Variants in FHIT observed in about 807,000 individuals in gnomAD.
FHIT encodes the protein fragile histidine triad diadenosine triphosphatase, also known as bis(5'-adenosyl)-triphosphatase.
A neutral mutation model predicts 17.9 loss-of-function variants in FHIT; 19 were observed. That is an observed-to-expected ratio of 1.06 (90% CI 0.74 to 1.56). The LOEUF (loss-of-function observed/expected upper bound fraction) is 1.56. Ranked by LOEUF, FHIT falls within the 40% of genes most tolerant of loss-of-function variation. The probability of loss-of-function intolerance (pLI) is 0.00; values close to 1 mark genes in which losing one functional copy is unlikely to be tolerated. For synonymous variants in FHIT, 81 were observed against 69.7 expected, an observed-to-expected ratio of 1.16 and a Z score of -0.81; for missense variants, 248 against 189.2, an observed-to-expected ratio of 1.31 and a Z score of -1.82.
chr3:60,436,744 A>T (rs1375285598), intron 5 of FHIT, among the ~76,000 whole-genome samples: 1 of 152,134 alleles, frequency 6.6e-6, no homozygotes, highest in Non-Finnish European at 1.5e-5. Context: ...ATCTTCACAG[A>T]TCTGAGCCAA....
intron 4 of FHIT, among the ~76,000 whole-genome samples, chr3:60,720,348 C>T (rs1218178048): frequency 6.6e-6 from 1 of 152,158 alleles, no homozygotes; most frequent in Admixed American, 6.5e-5. Context: ...CACTGCCTGA[C>T]CTGTTGCCTG....
rs78860817 is a variant in FHIT at position 60,362,387 on chromosome 3, C to T, written c.103+174473G>A. On this transcript the variant is annotated intron_variant, in intron 5 of 9. Transcript: ENST00000492590. ...TATCAAACATGAAGGCTTTTCTGTT[C>T]GGATTTTTTTTTGGAGAGGGTTAAC... Among the ~76,000 whole-genome samples, 143 of 152,128 alleles carry T rather than the reference C, an allele frequency of 9.4e-4. No individual in the cohort carries two copies. In the East Asian group the frequency reaches 0.025, roughly 27 times the overall value.
chr3:59,759,105 G>A (rs941723372), intron 8 of FHIT, among the ~76,000 whole-genome samples: 2 of 151,928 alleles, frequency 1.3e-5, no homozygotes, highest in Admixed American at 6.6e-5. Flanking sequence ...TTTAAGTAAA[G>A]GGGCAGGAAG....
chr3:60,140,575 A>ATT (rs10540921), intron 5 of FHIT, among the ~76,000 whole-genome samples: 4 of 129,008 alleles, frequency 3.1e-5, no homozygotes, highest in South Asian at 2.6e-4. Context: ...CACAGACTCT[A>ATT]TTTTTTTTTT....
At chr3:61,170,775 G>C (rs1292610812) in intron 2 of FHIT, among the ~76,000 whole-genome samples, 1 of 152,092 alleles carries the variant, frequency 6.6e-6, no homozygotes, top group Non-Finnish European at 1.5e-5. Flanking sequence ...GTCTATCATT[G>C]ATAGGCATTT....
chr3:60,428,215 A>G (rs972108967), intron 5 of FHIT, among the ~76,000 whole-genome samples: 2 of 152,172 alleles, frequency 1.3e-5, no homozygotes, highest in African/African-American at 4.8e-5. Context: ...TGACCTAATC[A>G]TATTTTTAAT....
At chr3:60,173,918 T>TATATATATATATATATATATATATA (rs375142735) in intron 5 of FHIT, among the ~76,000 whole-genome samples, 3 of 46,860 alleles carry the variant, frequency 6.4e-5, no homozygotes, top group Admixed American at 5.9e-4. Flanking sequence ...TATATATATG[T>TATATATATATATATATATATATATA]TTTTTTTTTT....
intron 4 of FHIT, among the ~76,000 whole-genome samples, chr3:60,779,001 T>G (rs914127615): frequency 6.6e-6 from 1 of 152,162 alleles, no homozygotes; most frequent in Non-Finnish European, 1.5e-5. Context: ...AACTCACAGG[T>G]ATTTGAGGAT....
chr3:60,433,489 A>C (rs1021034890), intron 5 of FHIT, among the ~76,000 whole-genome samples: 4 of 152,116 alleles, frequency 2.6e-5, no homozygotes, highest in Non-Finnish European at 1.5e-5. Context: ...AGAAATCTCC[A>C]TACAGTTTTC....
At chr3:60,381,015 G>A (rs1700778757) in intron 5 of FHIT, among the ~76,000 whole-genome samples, 1 of 152,248 alleles carries the variant, frequency 6.6e-6, no homozygotes, top group South Asian at 2.1e-4. Context: ...AGACCTTGTA[G>A]CCTTTGAAAC....
intron 5 of FHIT, among the ~76,000 whole-genome samples, chr3:60,474,591 C>A (rs1379495727): frequency 6.6e-6 from 1 of 151,748 alleles, no homozygotes; most frequent in Non-Finnish European, 1.5e-5. Context: ...TTAGGAGGCT[C>A]ATTTTCACAA....
chr3:60,080,003 T>C (rs1703206500), intron 5 of FHIT, among the ~76,000 whole-genome samples: 1 of 152,184 alleles, frequency 6.6e-6, no homozygotes, highest in South Asian at 2.1e-4. Flanking sequence ...ATTACTTTAA[T>C]GATGTAGAAT....
chr3:59,791,487 G>T (rs773999762), intron 8 of FHIT, among the ~76,000 whole-genome samples: 1 of 152,128 alleles, frequency 6.6e-6, no homozygotes, highest in Non-Finnish European at 1.5e-5. Flanking sequence ...ATCCAGCCGC[G>T]CCTGAATCAA....
chr3:60,521,874 T>C (rs145635649), intron 5 of FHIT, among the ~76,000 whole-genome samples: 1 of 152,168 alleles, frequency 6.6e-6, no homozygotes, highest in Non-Finnish European at 1.5e-5. Context: ...TCTTCTCCCA[T>C]GTACATTCAA....
intron 5 of FHIT, among the ~76,000 whole-genome samples, chr3:60,371,559 G>A (rs551703974): frequency 6.6e-6 from 1 of 152,034 alleles, no homozygotes; most frequent in Non-Finnish European, 1.5e-5. Flanking sequence ...ATATTTACAG[G>A]TTACTACAAG....
intron 4 of FHIT, among the ~76,000 whole-genome samples, chr3:60,564,304 T>C (rs143404179): frequency 5.3e-5 from 8 of 152,336 alleles, no homozygotes; most frequent in African/African-American, 1.9e-4. Flanking sequence ...TTACTGATGA[T>C]GTACCTGGTC....
intron 4 of FHIT, among the ~76,000 whole-genome samples, chr3:60,622,502 G>C (rs370419437): frequency 6.6e-6 from 1 of 152,148 alleles, no homozygotes; most frequent in East Asian, 1.9e-4. Flanking sequence ...GATGTGAATT[G>C]TATCCACAGG....
intron 4 of FHIT, among the ~76,000 whole-genome samples, chr3:60,760,111 T>C (rs552128361): frequency 6.6e-6 from 1 of 152,304 alleles, no homozygotes; most frequent in East Asian, 1.9e-4. Context: ...CTCCTTTCGT[T>C]CTTTCATCTC....
intron 1 of FHIT, among the ~76,000 whole-genome samples, chr3:61,204,902 C>T (rs957671887): frequency 6.6e-6 from 1 of 151,952 alleles, no homozygotes; most frequent in Non-Finnish European, 1.5e-5. Flanking sequence ...TATACATGTG[C>T]CATGTTGGTG....
Sources: allele counts gnomAD v4.1 joint callset (sites outside exome capture counted in the v4.1 genomes callset), GRCh38; gene constraint gnomAD v4.1.1; transcripts MANE v1.5; gene names NCBI Gene and HGNC (gene_info 2026-07-23, HGNC 2026-07-21).